ADNP: variants seen among roughly 807,000 people sequenced by gnomAD.
ADNP encodes the protein activity-dependent neuroprotector homeobox protein.
A neutral mutation model predicts 84.9 loss-of-function variants in ADNP; 4 were observed. The observed-to-expected ratio is 0.05, with a 90% CI of 0.02 to 0.11. The LOEUF is 0.11. Ranked by LOEUF, ADNP falls within the 10% of genes least tolerant of loss-of-function variation. The pLI is 1.00. For missense variants in ADNP, 1,132 were observed against 1,326.0 expected, an observed-to-expected ratio of 0.85 and a Z score of 2.27; for synonymous variants, 554 against 468.1, an observed-to-expected ratio of 1.18 and a Z score of -2.37.
Position 50,902,239 on chromosome 20 carries a change from CTAG to C in ADNP, c.109-133_109-131del, listed in dbSNP as rs1416472968. ...AAACCAACGTCAACAAGGACTTAAA[CTAG>C]GAGTGATAAGGCTCTTAAATATAAA... is the stretch of plus-strand genomic sequence containing the variant. On this transcript the variant is annotated intron_variant, in intron 4 of 5. Coordinates refer to ENST00000621696, the MANE Select transcript of ADNP (RefSeq NM_001282531.3). 6 of 642,520 alleles carry C rather than the reference CTAG, an allele frequency of 9.3e-6. No homozygotes were observed. The East Asian group carries it at 1.1e-4, about 12-fold the overall frequency. The allele number at this position is 642,520 out of a possible 1,614,324, so 39.8% of individuals were successfully genotyped here.
rs766133521 is a variant in ADNP at position 50,891,617 on chromosome 20, A to T, written c.3097T>A (p.Tyr1033Asn). The change falls in exon 6 of 6, where the codon TAT becomes AAT. Residue 1033 changes from tyrosine (Y) to asparagine (N), a missense_variant. Tyr to Asn is a moderately radical substitution (Grantham distance 143). Around this residue, in one of 10 missense-constraint regions of ADNP, gnomAD observed 381 missense variants for 319.9 expected, o/e 1.19. Coordinates refer to ENST00000621696, the MANE Select transcript of ADNP (RefSeq NM_001282531.3). The stretch of plus-strand genomic sequence containing the variant: ...GACCAAAACCCTTCAACTTTTCCAT[A>T]GGAACTATTCTTCCATTTCAACTGC... ...REQLKWKNSS[Y>N]GKVEGFWSKD... 3.7e-6 allele frequency: 6 copies of T among 1,614,042 alleles called. No homozygotes were observed. Among genetic ancestry groups the T allele is most frequent in the Admixed American group, 1.7e-5 (1 of 60,024 alleles).
At chr20:50,905,313 C>T (rs1982360317) in intron 2 of ADNP, 1 of 151,948 alleles carries the variant, frequency 6.6e-6, no homozygotes, top group South Asian at 2.1e-4. Flanking sequence ...TTCTAAAACC[C>T]AAAACAGCAA....
intron 2 of ADNP, among the ~76,000 whole-genome samples, chr20:50,909,070 TAA>T (rs745349074): frequency 2.7e-4 from 38 of 138,762 alleles, no homozygotes; most frequent in Admixed American, 2.9e-4. Context: ...GGATGGCCAT[TAA>T]AAAAAAAAAA....
At chr20:50,922,186 G>A (rs1401804803) in intron 2 of ADNP, among the ~76,000 whole-genome samples, 4 of 152,132 alleles carry the variant, frequency 2.6e-5, no homozygotes, top group Non-Finnish European at 5.9e-5. Context: ...GTGACCAAAC[G>A]TGTAGGGTTT....
rs190962083 is a variant in ADNP at position 50,894,620 on chromosome 20, C to T, written c.202-108G>A. 928 of 1,246,200 alleles carry T rather than the reference C, an allele frequency of 7.4e-4. 6 individuals carry two copies. Among genetic ancestry groups the T allele is most frequent in the South Asian group, 6.3e-3 (398 of 63,228 alleles). 77.2% of individuals were successfully genotyped at this position (1,246,200 alleles called of 1,614,324 possible). A position where few individuals can be genotyped will look rare whatever the true frequency, so the allele number is the denominator to read the frequency against. ...AATAATGCATTGATTTTAGGCCGCGCGTGGTGGCTCACGCCTGTAATCCCA... is the reference window on the plus strand; with the variant it reads ...AATAATGCATTGATTTTAGGCCGCGTGTGGTGGCTCACGCCTGTAATCCCA... On this transcript the variant is annotated intron_variant, in intron 5 of 5. Coordinates refer to ENST00000621696, the MANE Select transcript of ADNP (RefSeq NM_001282531.3).
intron 2 of ADNP, among the ~76,000 whole-genome samples, chr20:50,926,819 T>TA (rs1216229991): frequency 5.3e-5 from 8 of 152,342 alleles, no homozygotes; most frequent in East Asian, 3.9e-4. Context: ...TTCTTTTTTT[T>TA]ACCCTATGAA....
chr20:50,915,328 G>C (rs990634176), intron 2 of ADNP, among the ~76,000 whole-genome samples: 2 of 152,180 alleles, frequency 1.3e-5, no homozygotes, highest in African/African-American at 4.8e-5. Flanking sequence ...ATTTGCATCT[G>C]AAGTAGTGAA....
At chr20:50,911,450 A>G (rs529938291) in intron 2 of ADNP, among the ~76,000 whole-genome samples, 34 of 152,182 alleles carry the variant, frequency 2.2e-4, no homozygotes, top group South Asian at 8.3e-4. Context: ...TAACTGAAAA[A>G]GATGTCCTTG....
At chr20:50,929,919 A>C (rs1055987573) in intron 1 of ADNP, among the ~76,000 whole-genome samples, 5 of 152,046 alleles carry the variant, frequency 3.3e-5, no homozygotes, top group South Asian at 2.1e-4. Flanking sequence ...AAGATTAAGA[A>C]GACTTCGTGT....
In ADNP at chr20:50,892,267, T is replaced by C; in HGVS notation, c.2447A>G (p.Glu816Gly). 6.2e-7 allele frequency: 1 copy of C among 1,614,200 alleles called. No individual in the cohort carries two copies. The highest frequency in any genetic ancestry group is 8.5e-7 in the Non-Finnish European group (1 of 1,180,044). ...CAGCAACACGCCAGGCTTGTACTTTTCACAATCACGGACACACTTCTTCCT... is the reference window on the plus strand; with the variant it reads ...CAGCAACACGCCAGGCTTGTACTTTCCACAATCACGGACACACTTCTTCCT... ...NKRKKCVRDC[E>G]KYKPGVLLGF... is the part of the protein sequence containing the mutation. Residue 816 changes from glutamate to glycine, a missense_variant, in exon 6 of 6, where the codon GAA (glutamate) becomes GGA (glycine). Physicochemically the swap from Glu to Gly is moderately conservative, Grantham distance 98 (BLOSUM62 -2). This residue lies in a region of ADNP where 41 missense variants were observed against 78.4 expected (regional missense o/e 0.52). Transcript: ENST00000621696.
chr20:50,897,923 G>A (rs1981583742), intron 5 of ADNP, among the ~76,000 whole-genome samples: 1 of 152,184 alleles, frequency 6.6e-6, no homozygotes, highest in African/African-American at 2.4e-5. Context: ...TATATCTCCT[G>A]CAGTGCACTG....
intron 5 of ADNP, among the ~76,000 whole-genome samples, chr20:50,894,853 G>A (rs1038938954): frequency 1.3e-5 from 2 of 152,088 alleles, no homozygotes; most frequent in East Asian, 1.9e-4. Flanking sequence ...AGCCGAGATC[G>A]GCCATTGCAC....
At chr20:50,914,293 G>A in intron 2 of ADNP, 1 of 693,924 alleles carries the variant, frequency 1.4e-6, no homozygotes, top group Non-Finnish European at 2.6e-6. Flanking sequence ...CAAAACTGCT[G>A]GTGTCCCAAG....
In ADNP at chr20:50,891,925, T is replaced by C; in HGVS notation, c.2789A>G (p.Lys930Arg). 1 of 1,614,214 alleles carries C rather than the reference T, an allele frequency of 6.2e-7. No individual in the cohort carries two copies. Among genetic ancestry groups the C allele is most frequent in the Non-Finnish European group, 8.5e-7 (1 of 1,180,046 alleles). ...ASESEEKLDQ[K>R]EDGSKYETIH... ...AGTTTCGTATTTTGAACCATCCTCTTTTTGGTCTAGCTTCTCCTCAGATTC... is the reference window on the plus strand; with the variant it reads ...AGTTTCGTATTTTGAACCATCCTCTCTTTGGTCTAGCTTCTCCTCAGATTC... The change falls in exon 6 of 6, where the codon AAA (lysine) becomes AGA (arginine). Residue 930 changes from lysine (K) to arginine (R), a missense_variant. Lys to Arg is a conservative substitution (Grantham distance 26, BLOSUM62 2). Transcript: ENST00000621696.
intron 2 of ADNP, chr20:50,914,368 G>T: frequency 1.6e-6 from 1 of 627,278 alleles, no homozygotes; most frequent in Non-Finnish European, 2.9e-6. Flanking sequence ...GGTGCCCTGG[G>T]TTTAGTACTC....
chr20:50,929,701 T>C (rs1014236152), intron 1 of ADNP, among the ~76,000 whole-genome samples: 1 of 151,942 alleles, frequency 6.6e-6, no homozygotes, highest in Non-Finnish European at 1.5e-5. Context: ...AGAAACTGTA[T>C]CAAGCTATCC....
intron 2 of ADNP, chr20:50,913,714 C>T (rs141845107): frequency 1.6e-4 from 51 of 320,208 alleles, no homozygotes; most frequent in African/African-American, 9.3e-4. Flanking sequence ...AAACATCAAT[C>T]CTGGGAAAGC....
chr20:50,895,530 C>G (rs1286938942), intron 5 of ADNP, among the ~76,000 whole-genome samples: 2 of 152,146 alleles, frequency 1.3e-5, no homozygotes, highest in Non-Finnish European at 2.9e-5. Flanking sequence ...TTTATGAACA[C>G]TTAGGCTACA....
At chr20:50,905,445 A>G (rs1307459597) in intron 2 of ADNP, 3 of 152,224 alleles carry the variant, frequency 2.0e-5, no homozygotes, top group African/African-American at 7.2e-5. Flanking sequence ...ACTAATCCAA[A>G]TGTAATAAAA....
Sources: gnomAD v4.1 joint callset for allele counts (sites outside exome capture counted in the v4.1 genomes callset) on GRCh38, gnomAD v4.1.1 for gene constraint, gnomAD v4.1.1 regional missense constraint, MANE v1.5 for transcripts, NCBI Gene and HGNC (gene_info 2026-07-23, HGNC 2026-07-21) for gene names.